Variants in FBRSL1 observed in about 807,000 individuals in gnomAD.
FBRSL1 encodes fibrosin like 1, also known as fibrosin-1-like protein.
A neutral mutation model predicts 89.6 loss-of-function variants in FBRSL1; 51 were observed. The observed-to-expected ratio is 0.57, with a 90% CI of 0.45 to 0.72. The LOEUF (loss-of-function observed/expected upper bound fraction) is 0.72. Among genes scored for constraint, FBRSL1 ranks in the 30% least tolerant of loss-of-function variants. The pLI is 0.00. For synonymous variants in FBRSL1, 779 were observed against 681.1 expected (o/e 1.14, Z -2.24); for missense variants, 1,618 against 1,451.8 (o/e 1.11, Z -1.86).
intron 4 of FBRSL1, among the ~76,000 whole-genome samples, chr12:132,528,345 A>G (rs957021162): frequency 3.9e-5 from 6 of 152,110 alleles, no homozygotes; most frequent in African/African-American, 1.4e-4. Flanking sequence ...CCGCGGGGCC[A>G]AGGCCGGGCT....
rs551714673 is a variant in FBRSL1 at position 132,508,725 on chromosome 12, C to T, written c.489+375C>T. Among the ~76,000 whole-genome samples, 16 of 152,372 alleles carry T rather than the reference C, an allele frequency of 1.1e-4. 1 individual carries two copies. In the South Asian group the frequency reaches 3.3e-3, roughly 32 times the overall value. On this transcript the variant is annotated intron_variant, in intron 2 of 18. Coordinates refer to ENST00000680143, the MANE Select transcript of FBRSL1 (RefSeq NM_001367871.1). ...ATAAGGAGGGGGTCCAGGCTCATTG[C>T]CGAGGGCTGTCCTGTCCACACGCAG... is the stretch of plus-strand genomic sequence containing the variant.
chr12:132,536,638 T>C (rs1180628996), intron 4 of FBRSL1, among the ~76,000 whole-genome samples: 1 of 151,492 alleles, frequency 6.6e-6, no homozygotes, highest in African/African-American at 2.4e-5. Flanking sequence ...CATGATGGTG[T>C]GAGTGCACGT....
intron 4 of FBRSL1, among the ~76,000 whole-genome samples, chr12:132,542,828 C>T (rs1407650408): frequency 2.0e-5 from 3 of 152,354 alleles, no homozygotes; most frequent in Middle Eastern, 3.4e-3. Flanking sequence ...TGGGATCAGG[C>T]GGCCCCTGAG....
Position 132,571,114 on chromosome 12 carries a change from G to C in FBRSL1, c.1260G>C (p.Gln420His). The change falls in exon 9 of 19, where the codon CAG (glutamine) becomes CAC (histidine). Residue 420 changes from glutamine to histidine, a missense_variant. Gln to His is a conservative substitution (Grantham distance 24). Transcript: ENST00000680143. ...TCAGCCAGCCAATCATGTATTGCCA[G>C]CCTCATTCGGGAATTCTGATTGGTA... ...VSFSQPIMYC[Q>H]PHSGILIGTW... 1 of 1,370,414 alleles carries C rather than the reference G, an allele frequency of 7.3e-7. No homozygotes were observed. Among genetic ancestry groups the C allele is most frequent in the Non-Finnish European group, 9.4e-7 (1 of 1,063,510 alleles). 84.9% of individuals were successfully genotyped at this position (1,370,414 alleles called of 1,614,324 possible). A position where few individuals can be genotyped will look rare whatever the true frequency, so the allele number is the denominator to read the frequency against.
intron 3 of FBRSL1, 67 bp from the exon 4 acceptor site, chr12:132,527,886 C>T (rs1281179000): frequency 2.1e-5 from 31 of 1,461,818 alleles, no homozygotes; most frequent in South Asian, 3.6e-5. Flanking sequence ...GGGCAGCTGT[C>T]GGGTGCATCC....
At chr12:132,523,987 AG>A (rs1416830800) in intron 2 of FBRSL1, among the ~76,000 whole-genome samples, 2 of 152,194 alleles carry the variant, frequency 1.3e-5, no homozygotes, top group Admixed American at 1.3e-4. Context: ...AGGTTGTGAG[AG>A]TCCAGCTGGT....
intron 15 of FBRSL1, among the ~76,000 whole-genome samples, chr12:132,579,692 C>T (rs746423665): frequency 8.5e-5 from 13 of 152,170 alleles, no homozygotes; most frequent in African/African-American, 3.1e-4. Context: ...TAAGCCTGGC[C>T]TTTACTTTCC....
At chr12:132,520,969 G>A (rs1000966739) in intron 2 of FBRSL1, among the ~76,000 whole-genome samples, 3 of 152,226 alleles carry the variant, frequency 2.0e-5, no homozygotes, top group Non-Finnish European at 2.9e-5. Context: ...GGGAAATGGA[G>A]TGTTGTGGAC....
chr12:132,572,094 G>C, intron 9 of FBRSL1, 194 bp from the exon 10 acceptor site: 1 of 594,824 alleles, frequency 1.7e-6, no homozygotes, highest in Non-Finnish European at 3.0e-6. Flanking sequence ...TGGCAGGGCC[G>C]CCCTGGTCTG....
At chr12:132,511,184 T>C in intron 2 of FBRSL1, 1 of 984,722 alleles carries the variant, frequency 1.0e-6, no homozygotes, top group Non-Finnish European at 1.2e-6. Context: ...ACCCGGAGGC[T>C]CCCACCCCCA....
intron 2 of FBRSL1, among the ~76,000 whole-genome samples, chr12:132,516,608 C>A (rs1028500236): frequency 6.6e-6 from 1 of 152,206 alleles, no homozygotes; most frequent in Non-Finnish European, 1.5e-5. Flanking sequence ...CACTTGAAGT[C>A]TTTTCTGATC....
chr12:132,544,020 C>G lies in FBRSL1; in HGVS notation c.616-3983C>G, dbSNP rs370147812. On this transcript the variant is annotated intron_variant, in intron 4 of 18. Transcript: ENST00000680143. ...CCCTCTGGCCACCCCACACCTTAGG[C>G]GTGAGGGCCGGGGCCCTGGGCAGGA... 4.1e-4 allele frequency among the ~76,000 whole-genome samples: 63 copies of G among 152,276 alleles called. No individual in the cohort carries two copies. In the East Asian group the frequency reaches 6.4e-3, roughly 15 times the overall value.
At position 132,570,131 on chromosome 12, in the gene FBRSL1, G is replaced by A. The variant is rs1057176776; in HGVS notation, c.897G>A (p.Pro299=). Residue 299 remains proline (P), a synonymous_variant, in exon 7 of 19, where the codon CCG becomes CCA. Transcript: ENST00000680143. ...KEPPAPHRHT[P]QPPPPQPRGL... is the part of the protein sequence containing the mutation. The stretch of plus-strand genomic sequence containing the variant: ...CCCCCGCCCCGCACCGCCACACCCC[G>A]CAGCCGCCACCCCCGCAGCCCCGCG... 20 of 1,473,012 alleles carry A rather than the reference G, an allele frequency of 1.4e-5. No individual in the cohort carries two copies. The highest frequency in any genetic ancestry group is 3.9e-5 in the South Asian group (3 of 77,228). The allele number at this position is 1,473,012 out of a possible 1,614,324, so 91.2% of individuals were successfully genotyped here.
rs962659837 is a variant in FBRSL1 at position 132,574,513 on chromosome 12, C to T, written c.1650C>T (p.Ala550=). Residue 550 remains alanine, a synonymous_variant, in exon 14 of 19, where the codon GCC becomes GCT. Coordinates refer to ENST00000680143, the MANE Select transcript of FBRSL1 (RefSeq NM_001367871.1). ...AVVKKPGRWC[A]VHVQIAWQIY... ...CGCAGAAGCCGGGGAGGTGGTGTGCCGTGCACGTGCAGATCGCCTGGCAGA... is the reference window on the plus strand; with the variant it reads ...CGCAGAAGCCGGGGAGGTGGTGTGCTGTGCACGTGCAGATCGCCTGGCAGA... The T allele has an allele frequency of 1.5e-5, 23 of 1,550,080 alleles. No individual in the cohort carries two copies. Among genetic ancestry groups the T allele is most frequent in the African/African-American group, 1.1e-4 (8 of 73,002 alleles).
At chr12:132,503,316 C>T (rs1175794481) in intron 1 of FBRSL1, among the ~76,000 whole-genome samples, 1 of 152,230 alleles carries the variant, frequency 6.6e-6, no homozygotes, top group African/African-American at 2.4e-5. Context: ...ATCCTGGAGG[C>T]CATAGGAGCA....
rs376862283 is a variant in FBRSL1, at chr12:132,531,292, G to A, written c.615+3304G>A. Among the ~76,000 whole-genome samples the A allele has an allele frequency of 1.7e-4, 26 of 152,284 alleles. 2 individuals are homozygous for A. Among genetic ancestry groups the A allele is most frequent in the Admixed American group, 7.2e-4 (11 of 15,308 alleles). On this transcript the variant is annotated intron_variant, in intron 4 of 18. Coordinates refer to ENST00000680143, the MANE Select transcript of FBRSL1 (RefSeq NM_001367871.1). ...GTGCTGAAGCCTGGGACCCACTAGT[G>A]GGGGTTTGGGACTTCCCTGAGGCCT...
chr12:132,573,275 G>A (rs1164359503), intron 11 of FBRSL1, among the ~76,000 whole-genome samples: 2 of 152,302 alleles, frequency 1.3e-5, no homozygotes, highest in Admixed American at 1.3e-4. Context: ...TGACCTCCCA[G>A]GATCCTGCAG....
At chr12:132,559,625 C>T (rs1232407016) in intron 5 of FBRSL1, among the ~76,000 whole-genome samples, 1 of 152,160 alleles carries the variant, frequency 6.6e-6, no homozygotes, top group East Asian at 1.9e-4. Context: ...TGGTCTCGAA[C>T]TCCTGGGCTC....
intron 5 of FBRSL1, among the ~76,000 whole-genome samples, chr12:132,556,032 G>T (rs145618470): frequency 6.6e-6 from 1 of 152,166 alleles, no homozygotes; most frequent in Non-Finnish European, 1.5e-5. Flanking sequence ...CTTTCCCTGG[G>T]TTTCTGTGTT....
Sources: allele counts gnomAD v4.1 joint callset (sites outside exome capture counted in the v4.1 genomes callset), GRCh38; gene constraint gnomAD v4.1.1; transcripts MANE v1.5; gene names NCBI Gene and HGNC (gene_info 2026-07-23, HGNC 2026-07-21).